Variants in TTC34 observed in about 807,000 individuals in gnomAD.
TTC34 encodes the protein tetratricopeptide repeat protein 34.
TTC34 carries 44 observed loss-of-function variants against 40.7 expected under a neutral mutation model. The observed-to-expected ratio is 1.08, with a 90% CI of 0.85 to 1.39. The LOEUF is 1.39. Among genes scored for constraint, TTC34 ranks in the 40% most tolerant of loss-of-function variants. TTC34 has a pLI of 0.00. For synonymous variants in TTC34, 422 were observed against 398.6 expected (o/e 1.06, Z -0.70); for missense variants, 884 against 838.0 (o/e 1.05, Z -0.68).
exon 9 of TTC34, chr1:2,641,247 G>A (rs1638895166): frequency 1.7e-6 from 2 of 1,143,524 alleles, no homozygotes; most frequent in Non-Finnish European, 2.4e-6. Flanking sequence ...GGAAGGGGGT[G>A]TGGAGAGGGC....
intron 6 of TTC34, chr1:2,775,328 C>G (rs554783889): frequency 2.6e-5 from 4 of 151,092 alleles, no homozygotes; most frequent in East Asian, 2.0e-4. Context: ...GAGGATCTGA[C>G]TACCTGGAAC....
intron 3 of TTC34, among the ~76,000 whole-genome samples, chr1:2,788,685 C>T (rs940220450): frequency 2.0e-5 from 3 of 152,078 alleles, no homozygotes; most frequent in African/African-American, 7.2e-5. Context: ...GAGGGCAGCT[C>T]CTGAAGTCAA....
rs568028875 is a variant in TTC34, at chr1:2,687,480, C to T, written c.2227-41917G>A. ...AGCATCCGACAGCCTGGAACAGCAC[C>T]CACACACTCAGGCGAGCATCTGACA... On this transcript the variant is annotated intron_variant, in intron 6 of 8. Coordinates refer to ENST00000401095, the Ensembl canonical transcript of TTC34. 8.7e-3 allele frequency among the ~76,000 whole-genome samples: 1,298 copies of T among 148,584 alleles called. 2 individuals are homozygous for T. Among genetic ancestry groups the T allele is most frequent in the African/African-American group, 0.032 (1,236 of 38,352 alleles).
chr1:2,801,355 G>A (rs1476492436), intron 1 of TTC34, among the ~76,000 whole-genome samples: 5 of 151,986 alleles, frequency 3.3e-5, no homozygotes, highest in Non-Finnish European at 7.4e-5. Flanking sequence ...CGAGGGGGGC[G>A]CCGAGAGCAC....
At chr1:2,653,950 G>C (rs888391925) in intron 6 of TTC34, among the ~76,000 whole-genome samples, 157 of 130,110 alleles carry the variant, frequency 1.2e-3, no homozygotes, top group South Asian at 4.4e-3. Flanking sequence ...GCATCTGATG[G>C]TCTGGAGCAG....
At position 2,751,158 on chromosome 1, in the gene TTC34, G is replaced by A. The variant is rs1340996093; in HGVS notation, c.2226+32451C>T. Among the ~76,000 whole-genome samples, 60 of 110,996 alleles carry A rather than the reference G, an allele frequency of 5.4e-4. 16 individuals carry two copies. Among genetic ancestry groups the A allele is most frequent in the Non-Finnish European group, 1.0e-3 (57 of 56,948 alleles). 72.8% of individuals were successfully genotyped at this position (110,996 alleles called of 152,430 possible). A position where few individuals can be genotyped will look rare whatever the true frequency, so the allele number is the denominator to read the frequency against. ...GGGGAGCATCTGACACCCTGGAGCA[G>A]CACGCACATCCCCAGGCGAGCATCC... On this transcript the variant is annotated intron_variant, in intron 6 of 8. Coordinates refer to ENST00000401095, the Ensembl canonical transcript of TTC34.
Position 2,694,049 on chromosome 1 carries a change from C to T in TTC34, c.2227-48486G>A, listed in dbSNP as rs1302119459. On this transcript the variant is annotated intron_variant, in intron 6 of 8. Coordinates refer to ENST00000401095, the Ensembl canonical transcript of TTC34. ...ACACCCCCAGGCGAGCATCTCACAG[C>T]ACGTAACAGCACCCACACACCCAGG... 3.7e-5 allele frequency among the ~76,000 whole-genome samples: 4 copies of T among 107,068 alleles called. 1 individual carries two copies. The highest frequency in any genetic ancestry group is 2.8e-4 in the South Asian group (1 of 3,582). 70.2% of individuals were successfully genotyped at this position (107,068 alleles called of 152,430 possible). A position where few individuals can be genotyped will look rare whatever the true frequency, so the allele number is the denominator to read the frequency against.
chr1:2,749,826 C>A (rs1304130067), intron 6 of TTC34, among the ~76,000 whole-genome samples: 3 of 98,042 alleles, frequency 3.1e-5, no homozygotes, highest in African/African-American at 8.2e-5. Context: ...CATCTGACAG[C>A]CTGGAACAGC....
intron 6 of TTC34, among the ~76,000 whole-genome samples, chr1:2,651,934 C>A (rs925438059): frequency 1.3e-5 from 2 of 152,090 alleles, no homozygotes; most frequent in Non-Finnish European, 2.9e-5. Flanking sequence ...CTCAGGGGAG[C>A]ATCTGACAGC....
In TTC34 at chr1:2,748,838, C is replaced by G. The variant is rs1260035533; in HGVS notation, c.2226+34771G>C. Among the ~76,000 whole-genome samples the G allele has an allele frequency of 4.4e-4, 61 of 138,064 alleles. 19 individuals are homozygous for G. Among genetic ancestry groups the G allele is most frequent in the African/African-American group, 1.3e-3 (46 of 34,356 alleles). The allele number at this position is 138,064 out of a possible 152,430, so 90.6% of individuals were successfully genotyped here. ...ATCTGACAGCCTCGGTCGGCACCCACAAACCCAGGTGAGCATCTGATGCTT... is the reference window on the plus strand; with the variant it reads ...ATCTGACAGCCTCGGTCGGCACCCAGAAACCCAGGTGAGCATCTGATGCTT... On this transcript the variant is annotated intron_variant, in intron 6 of 8. Coordinates refer to ENST00000401095, the Ensembl canonical transcript of TTC34.
At chr1:2,748,238 A>T (rs1442913987) in intron 6 of TTC34, among the ~76,000 whole-genome samples, 1 of 96,242 alleles carries the variant, frequency 1.0e-5, no homozygotes, top group Non-Finnish European at 1.9e-5. Context: ...CAGCACCCAC[A>T]ACCACAGGTG....
Position 2,645,448 on chromosome 1 carries a change from TG to T in TTC34, c.2341del (p.His781ThrfsTer6). The T allele has an allele frequency of 6.5e-7, 1 of 1,534,962 alleles. No homozygotes were observed. On this transcript the variant is annotated frameshift_variant, in exon 7 of 9. Transcript: ENST00000401095. LOFTEE classifies it high-confidence loss of function. The surrounding 1 kb of genome is among the most constrained non-coding windows in gnomAD (Gnocchi z 4.7). The stretch of plus-strand genomic sequence containing the variant: ...CAGCTGGCTCAGAAGGGCCCGGCAG[TG>T]GGAGTAGAGGCCCTGTGTGATGAGG...
At chr1:2,753,257 C>A (rs1641386230) in intron 6 of TTC34, among the ~76,000 whole-genome samples, 2 of 132,868 alleles carry the variant, frequency 1.5e-5, no homozygotes, top group Non-Finnish European at 1.6e-5. Flanking sequence ...CACCCACACC[C>A]CAGGTGAGCA....
At chr1:2,749,815 G>T (rs1641258542) in intron 6 of TTC34, among the ~76,000 whole-genome samples, 2 of 139,804 alleles carry the variant, frequency 1.4e-5, no homozygotes, top group Non-Finnish European at 3.1e-5. Flanking sequence ...CCCCAGGTGA[G>T]CATCTGACAG....
Position 2,752,300 on chromosome 1 carries a change from A to C in TTC34, c.2226+31309T>G, listed in dbSNP as rs1335921569. ...GAACAGCACCTTGCACCCCCAGGGG[A>C]GCATCTGACAGCCTGGAACAGCACG... On this transcript the variant is annotated intron_variant, in intron 6 of 8. Transcript: ENST00000401095. 1.4e-4 allele frequency among the ~76,000 whole-genome samples: 16 copies of C among 114,308 alleles called. 2 individuals carry two copies. The highest frequency in any genetic ancestry group is 4.8e-4 in the African/African-American group (12 of 24,864). The allele number at this position is 114,308 out of a possible 152,430, so 75.0% of individuals were successfully genotyped here. A position where few individuals can be genotyped will look rare whatever the true frequency, so the allele number is the denominator to read the frequency against.
At chr1:2,674,862 T>G (rs1420630541) in intron 6 of TTC34, among the ~76,000 whole-genome samples, 1 of 60,332 alleles carries the variant, frequency 1.7e-5, no homozygotes, top group South Asian at 5.2e-4. Flanking sequence ...CATCGTAGAG[T>G]CTGGAGCAGC....
At chr1:2,646,173 G>A (rs1639017875) in intron 6 of TTC34, among the ~76,000 whole-genome samples, 1 of 152,140 alleles carries the variant, frequency 6.6e-6, no homozygotes, top group Non-Finnish European at 1.5e-5. Context: ...CAATTGCCTT[G>A]TGGATTACAA....
chr1:2,649,513 G>T (rs1639084899), intron 6 of TTC34, among the ~76,000 whole-genome samples: 2 of 152,098 alleles, frequency 1.3e-5, no homozygotes, highest in Admixed American at 6.5e-5. Context: ...GCCTGGAACA[G>T]CACCCTTCAT....
At chr1:2,751,050 C>A (rs1641302736) in intron 6 of TTC34, among the ~76,000 whole-genome samples, 1 of 119,286 alleles carries the variant, frequency 8.4e-6, no homozygotes, top group Non-Finnish European at 1.7e-5. Flanking sequence ...CCCACACCCC[C>A]AGGTGAGCAT....
Sources: allele counts gnomAD v4.1 joint callset (sites outside exome capture counted in the v4.1 genomes callset), GRCh38; gene constraint gnomAD v4.1.1; non-coding constraint Gnocchi (gnomAD v3.1); transcripts MANE v1.5; gene names NCBI Gene and HGNC (gene_info 2026-07-23, HGNC 2026-07-21).